SLCO1A2: variants seen among roughly 807,000 people sequenced by gnomAD.
SLCO1A2 encodes solute carrier organic anion transporter family member 1A2.
SLCO1A2 carries 67 observed loss-of-function variants against 69.0 expected under a neutral mutation model. The observed-to-expected ratio is 0.97, with a 90% CI of 0.80 to 1.19. The LOEUF is 1.19. Ranked by LOEUF, SLCO1A2 falls within the 50% of genes most tolerant of loss-of-function variation. SLCO1A2 has a pLI of 0.00. For missense variants in SLCO1A2, 787 were observed against 793.7 expected (o/e 0.99, Z 0.10); for synonymous variants, 260 against 265.9 (o/e 0.98, Z 0.22).
At chr12:21,385,428 CCTT>C (rs1006370673) in intron 1 of SLCO1A2, among the ~76,000 whole-genome samples, 5 of 152,170 alleles carry the variant, frequency 3.3e-5, no homozygotes, top group African/African-American at 1.2e-4. Context: ...AAAGACAAAT[CCTT>C]CTTGAAATAA....
chr12:21,366,130 CA>C (rs1939358517), intron 2 of SLCO1A2, among the ~76,000 whole-genome samples: 1 of 152,124 alleles, frequency 6.6e-6, no homozygotes, highest in African/African-American at 2.4e-5. Context: ...TTCACAACAG[CA>C]AAGACTTGGA....
chr12:21,407,708 T>A (rs1324333079), intron 1 of SLCO1A2, among the ~76,000 whole-genome samples: 2 of 151,906 alleles, frequency 1.3e-5, no homozygotes, highest in African/African-American at 4.8e-5. Context: ...CTCAGGAGGC[T>A]GAGCTGGAGG....
At chr12:21,367,469 T>A (rs57041616) in intron 2 of SLCO1A2, among the ~76,000 whole-genome samples, 3,900 of 152,166 alleles carry the variant, frequency 0.026, 67 homozygotes, top group East Asian at 0.052. Flanking sequence ...AAGATTTCCA[T>A]GAGAATGGGC....
chr12:21,373,552 C>A lies in SLCO1A2; in HGVS notation c.-63+847G>T, dbSNP rs757306316. ...GACTATATCATACTTAAGAACAGTA[C>A]CTTCAGCTATTCCATTGTTCCTTGA... On this transcript the variant is annotated intron_variant, in intron 2 of 15. Transcript: ENST00000307378. 22 of 738,440 alleles carry A rather than the reference C, an allele frequency of 3.0e-5. No individual in the cohort carries two copies. In the Admixed American group the frequency reaches 3.7e-4, roughly 12 times the overall value. The allele number at this position is 738,440 out of a possible 1,614,324, so 45.7% of individuals were successfully genotyped here. A position where few individuals can be genotyped will look rare whatever the true frequency, so the allele number is the denominator to read the frequency against.
intron 12 of SLCO1A2, among the ~76,000 whole-genome samples, chr12:21,276,007 CAAT>C (rs2136111753): frequency 6.6e-6 from 1 of 151,726 alleles, no homozygotes; most frequent in African/African-American, 2.4e-5. Flanking sequence ...GTAAGAATAA[CAAT>C]AAATAAATTT....
chr12:21,398,733 A>C (rs576002603), upstream of SLCO1A2, among the ~76,000 whole-genome samples: 136 of 151,022 alleles, frequency 9.0e-4, no homozygotes, highest in African/African-American at 3.1e-3. Flanking sequence ...ACGCAAATCA[A>C]TAAATGTAAT....
At position 21,384,989 on chromosome 12, in the gene SLCO1A2, T is replaced by G. The variant is rs1940801868; in HGVS notation, c.-190+9917A>C. ...ACCTTGTTAGCCAGGATGGTCTCGA[T>G]CTCCTGACCTCGTCATCCGTCCGTC... is the stretch of plus-strand genomic sequence containing the variant. On this transcript the variant is annotated intron_variant, in intron 1 of 15. Coordinates refer to the SLCO1A2 transcript ENST00000307378. Among the ~76,000 whole-genome samples, 10 of 152,186 alleles carry G rather than the reference T, an allele frequency of 6.6e-5. No homozygotes were observed. The South Asian group carries it at 2.1e-3, about 32-fold the overall frequency.
chr12:21,346,435 C>G (rs1340703059), intron 2 of SLCO1A2, among the ~76,000 whole-genome samples: 1 of 150,898 alleles, frequency 6.6e-6, no homozygotes, highest in African/African-American at 2.4e-5. Context: ...TTTTTGTGTT[C>G]AGAAAAATGT....
chr12:21,417,661 T>C (rs1169410200), intron 1 of SLCO1A2, among the ~76,000 whole-genome samples: 1 of 151,828 alleles, frequency 6.6e-6, no homozygotes, highest in Non-Finnish European at 1.5e-5. Context: ...AAATAAAACA[T>C]AAAAAATTAA....
chr12:21,269,421 G>T lies in SLCO1A2; in HGVS notation c.*127C>A. 1.7e-6 allele frequency: 1 copy of T among 601,828 alleles called. No individual in the cohort carries two copies. The highest frequency in any genetic ancestry group is 2.8e-6 in the Non-Finnish European group (1 of 360,822). The allele number at this position is 601,828 out of a possible 1,614,324, so 37.3% of individuals were successfully genotyped here. ...TCATTAGTGAACATTTTATTATTTT[G>T]AGTTAAGAGGTTTTTTAGGTTCTTA... On this transcript the variant is annotated 3_prime_UTR_variant, in exon 15 of 15. Transcript: ENST00000683939.
intron 1 of SLCO1A2, among the ~76,000 whole-genome samples, chr12:21,406,351 G>GAA (rs397686653): frequency 1.3e-5 from 2 of 151,924 alleles, no homozygotes; most frequent in African/African-American, 4.8e-5. Context: ...GTAGTTTGAA[G>GAA]GACAGACAGA....
chr12:21,338,266 C>T (rs1952953982), upstream of SLCO1A2, among the ~76,000 whole-genome samples: 1 of 151,866 alleles, frequency 6.6e-6, no homozygotes, highest in African/African-American at 2.4e-5. Flanking sequence ...GGTGTCCAAC[C>T]CTCTACTGCC....
intron 2 of SLCO1A2, among the ~76,000 whole-genome samples, chr12:21,363,561 T>G (rs968962734): frequency 4.0e-5 from 6 of 151,680 alleles, no homozygotes; most frequent in African/African-American, 1.5e-4. Context: ...AGAACTGAAG[T>G]AGATAGAGAC....
At chr12:21,285,326 A>C (rs1276639520) in intron 12 of SLCO1A2, among the ~76,000 whole-genome samples, 1 of 152,080 alleles carries the variant, frequency 6.6e-6, no homozygotes, top group Admixed American at 6.6e-5. Flanking sequence ...TGAATCTCTG[A>C]ATAGACCAAT....
chr12:21,392,793 G>C (rs1481062620), intron 1 of SLCO1A2, among the ~76,000 whole-genome samples: 1 of 152,066 alleles, frequency 6.6e-6, no homozygotes, highest in African/African-American at 2.4e-5. Flanking sequence ...TTTTCCAATG[G>C]GTACATGAAC....
chr12:21,360,959 G>A (rs576740077), intron 2 of SLCO1A2, among the ~76,000 whole-genome samples: 1 of 152,338 alleles, frequency 6.6e-6, no homozygotes, highest in South Asian at 2.1e-4. Flanking sequence ...ACCTCTAGGG[G>A]CAGGGCATAG....
At chr12:21,338,478 A>T (rs1952961001), upstream of SLCO1A2, among the ~76,000 whole-genome samples, 1 of 151,440 alleles carries the variant, frequency 6.6e-6, no homozygotes, top group South Asian at 2.1e-4. Context: ...CCTCTTAGTA[A>T]TTTTCCATCC....
At chr12:21,288,349 G>C (rs1368585075) in intron 12 of SLCO1A2, among the ~76,000 whole-genome samples, 1 of 152,138 alleles carries the variant, frequency 6.6e-6, no homozygotes, top group South Asian at 2.1e-4. Flanking sequence ...GCTGAAGCAG[G>C]AGGATCGCTT....
In SLCO1A2 at chr12:21,300,201, C is replaced by T. The variant is rs190946772; in HGVS notation, c.910+147G>A. On this transcript the variant is annotated intron_variant, in intron 8 of 14. Transcript: ENST00000683939. ...TTTCAAGTAGTACCATAGGAAGAAT[C>T]GGACTAGTTAGGTATTCTTGACTGG... is the stretch of plus-strand genomic sequence containing the variant. The T allele has an allele frequency of 1.1e-3, 581 of 516,740 alleles. 1 individual carries two copies. Among genetic ancestry groups the T allele is most frequent in the African/African-American group, 8.8e-3 (447 of 51,050 alleles). 32.0% of individuals were successfully genotyped at this position (516,740 alleles called of 1,614,324 possible).
Sources: allele counts gnomAD v4.1 joint callset (sites outside exome capture counted in the v4.1 genomes callset), GRCh38; gene constraint gnomAD v4.1.1; transcripts MANE v1.5; gene names NCBI Gene and HGNC (gene_info 2026-07-23, HGNC 2026-07-21).